The following APBB2 variants were observed in gnomAD, a reference collection of about 807,000 sequenced individuals.
The protein encoded by APBB2 is Fe65-like 1.
Under a neutral mutation model 82.5 loss-of-function variants are expected in APBB2, and 38 were observed. The ratio of observed to expected loss-of-function variants is 0.46; its 90% CI spans 0.36 to 0.60. The LOEUF is 0.60. Among genes scored for constraint, APBB2 ranks in the 20% least tolerant of loss-of-function variants. The pLI, the probability that APBB2 is intolerant of heterozygous loss-of-function variation, is 0.00. For missense variants in APBB2, 772 were observed against 972.3 expected (o/e 0.79, Z 2.74); for synonymous variants, 341 against 368.2 (o/e 0.93, Z 0.85).
In APBB2 at chr4:40,944,999, C is replaced by G; in HGVS notation, c.910G>C (p.Ala304Pro). The G allele has an allele frequency of 6.4e-7, 1 of 1,563,830 alleles. No individual in the cohort carries two copies. Among genetic ancestry groups the G allele is most frequent in the Non-Finnish European group, 8.7e-7 (1 of 1,151,366 alleles). ...PPGWKRVSDI[A>P]GTYYWHIPTG... ...GGGATGTGCCAATAATAGGTCCCGG[C>G]AATGTCACTGACTCTTTTCCAGCCA... Residue 304 changes from alanine to proline, a missense_variant, in exon 7 of 18, where the codon GCC (alanine) becomes CCC (proline). Ala to Pro is a conservative substitution (Grantham distance 27). Coordinates refer to ENST00000508593, the MANE Select transcript of APBB2 (RefSeq NM_004307.2).
chr4:40,872,715 A>G (rs1400632390), intron 12 of APBB2, among the ~76,000 whole-genome samples: 1 of 152,122 alleles, frequency 6.6e-6, no homozygotes. Context: ...CTTGGACATG[A>G]AGAAAGCCAA....
chr4:41,084,028 T>A (rs139288476), intron 3 of APBB2, among the ~76,000 whole-genome samples: 25 of 152,282 alleles, frequency 1.6e-4, no homozygotes, highest in African/African-American at 5.3e-4. Flanking sequence ...AAAATATGTA[T>A]TATAAAGCTG....
intron 4 of APBB2, among the ~76,000 whole-genome samples, chr4:41,060,098 G>C (rs543482148): frequency 1.3e-5 from 2 of 152,258 alleles, no homozygotes; most frequent in South Asian, 4.1e-4. Context: ...TAGTTGTACA[G>C]GACTCCCACA....
At chr4:40,947,865 GGAGGGAGGGAGA>G (rs1788876050) in intron 6 of APBB2, among the ~76,000 whole-genome samples, 1 of 152,198 alleles carries the variant, frequency 6.6e-6, no homozygotes, top group Admixed American at 6.5e-5. Context: ...TGGAGAGATG[GGAGGGAGGGAGA>G]GAGGGAGGGA....
At chr4:40,857,678 C>T (rs868470521) in intron 12 of APBB2, among the ~76,000 whole-genome samples, 1 of 152,016 alleles carries the variant, frequency 6.6e-6, no homozygotes, top group African/African-American at 2.4e-5. Context: ...CCATGTTGGC[C>T]AGGCTGGTCT....
chr4:41,190,271 A>C (rs1774066149), intron 1 of APBB2, among the ~76,000 whole-genome samples: 1 of 28,502 alleles, frequency 3.5e-5, no homozygotes, highest in Non-Finnish European at 5.8e-5. Flanking sequence ...TTTTTTTTTG[A>C]GATGGAGTCT....
chr4:41,021,610 A>G (rs1480748964), intron 5 of APBB2, among the ~76,000 whole-genome samples: 1 of 152,196 alleles, frequency 6.6e-6, no homozygotes, highest in African/African-American at 2.4e-5. Flanking sequence ...CTCACCAATC[A>G]GCACTCTGTA....
At chr4:41,015,069 G>A (rs73809436) in intron 5 of APBB2, among the ~76,000 whole-genome samples, 1,671 of 152,278 alleles carry the variant, frequency 0.011, 25 homozygotes, top group African/African-American at 0.038. Flanking sequence ...AACTATTACT[G>A]TAGCATTGAG....
chr4:41,080,327 T>C (rs1314536755), intron 3 of APBB2, among the ~76,000 whole-genome samples: 1 of 152,148 alleles, frequency 6.6e-6, no homozygotes, highest in Non-Finnish European at 1.5e-5. Context: ...GAAGTTAAGA[T>C]AGAGAGCTTA....
chr4:41,051,224 A>T (rs1472171769), intron 4 of APBB2, among the ~76,000 whole-genome samples: 1 of 152,296 alleles, frequency 6.6e-6, no homozygotes, highest in Non-Finnish European at 1.5e-5. Context: ...ACAAGCCACC[A>T]TAGAATTCTA....
At chr4:41,092,259 G>C (rs1741981731) in intron 3 of APBB2, among the ~76,000 whole-genome samples, 1 of 152,202 alleles carries the variant, frequency 6.6e-6, no homozygotes, top group Admixed American at 6.5e-5. Context: ...GATCTTATTT[G>C]CTTTACCAAA....
intron 1 of APBB2, among the ~76,000 whole-genome samples, chr4:41,174,785 C>T (rs1212255077): frequency 3.3e-5 from 5 of 151,952 alleles, no homozygotes; most frequent in Admixed American, 2.6e-4. Context: ...AACTGCAGTA[C>T]GAAAGTATTA....
At chr4:40,818,737 G>A (rs974477474) in intron 17 of APBB2, among the ~76,000 whole-genome samples, 1 of 152,130 alleles carries the variant, frequency 6.6e-6, no homozygotes, top group Non-Finnish European at 1.5e-5. Context: ...CACTCTCACA[G>A]AGGATGGTGT....
At chr4:41,197,456 T>C in intron 1 of APBB2, among the ~76,000 whole-genome samples, 1 of 152,192 alleles carries the variant, frequency 6.6e-6, no homozygotes, top group Admixed American at 6.5e-5. Flanking sequence ...CTCCAAGTTA[T>C]CTACCCAAAG....
chr4:41,100,597 G>A (rs1220468807), intron 3 of APBB2, 42 bp downstream of exon 3: 1 of 152,046 alleles, frequency 6.6e-6, no homozygotes, highest in African/African-American at 2.4e-5. Flanking sequence ...TTCTGAGAGA[G>A]GTATAACAGA....
At chr4:41,049,375 G>A (rs181238985) in intron 4 of APBB2, among the ~76,000 whole-genome samples, 4,972 of 105,278 alleles carry the variant, frequency 0.047, 765 homozygotes, top group African/African-American at 0.17. Flanking sequence ...GGAGGTGGGG[G>A]GTCAGCCCCC....
At chr4:41,086,598 T>G (rs564348984) in intron 3 of APBB2, among the ~76,000 whole-genome samples, 1 of 152,148 alleles carries the variant, frequency 6.6e-6, no homozygotes, top group African/African-American at 2.4e-5. Flanking sequence ...AAAAGAGCAT[T>G]TGACAAAATT....
chr4:40,979,115 C>G (rs1286378127), intron 6 of APBB2, among the ~76,000 whole-genome samples: 1 of 152,122 alleles, frequency 6.6e-6, no homozygotes, highest in African/African-American at 2.4e-5. Flanking sequence ...TTCTAACACT[C>G]TCTAGTTTAA....
chr4:41,190,375 G>A (rs115679186), intron 1 of APBB2, among the ~76,000 whole-genome samples: 7,634 of 149,178 alleles, frequency 0.051, 272 homozygotes, highest in Non-Finnish European at 0.072. Flanking sequence ...CTCAGCCCGC[G>A]AGTAGCTGGG....
Sources: allele counts gnomAD v4.1 joint callset (sites outside exome capture counted in the v4.1 genomes callset), GRCh38; gene constraint gnomAD v4.1.1; transcripts MANE v1.5; gene names NCBI Gene and HGNC (gene_info 2026-07-23, HGNC 2026-07-21).